The following CCNT2 variants were observed in gnomAD, a reference collection of about 807,000 sequenced individuals.
CCNT2 encodes cyclin-T2.
Under a neutral mutation model 70.0 loss-of-function variants are expected in CCNT2, and 18 were observed. The observed-to-expected ratio is 0.26, with a 90% CI of 0.18 to 0.38. The LOEUF (loss-of-function observed/expected upper bound fraction) is 0.38, where lower values mean the gene tolerates loss of function less well. Among genes scored for constraint, CCNT2 ranks in the 10% least tolerant of loss-of-function variants. The pLI is 1.00. For missense variants in CCNT2, 734 were observed against 890.2 expected, an observed-to-expected ratio of 0.82 and a Z score of 2.23; for synonymous variants, 334 against 313.3, an observed-to-expected ratio of 1.07 and a Z score of -0.70.
At chr2:134,946,682 CTTT>C (rs35187705) in intron 6 of CCNT2, among the ~76,000 whole-genome samples, 6 of 139,984 alleles carry the variant, frequency 4.3e-5, no homozygotes, top group Admixed American at 7.1e-5. Context: ...ACAATTTTTC[CTTT>C]TTTTTTTTTT....
rs1164092609 is a variant in CCNT2 at position 134,947,843 on chromosome 2, A to G, written c.647A>G (p.Asp216Gly). 6.4e-7 allele frequency: 1 copy of G among 1,556,604 alleles called. No homozygotes were observed. The highest frequency in any genetic ancestry group is 1.3e-5 in the African/African-American group (1 of 74,448). Reference protein sequence around the residue: ...WSNWEIPVSTDGKHWWEYVDP... With the variant: ...WSNWEIPVSTGGKHWWEYVDP... ...AATTGGGAGATCCCTGTATCAACTGATGGAAAGCATTGGTGGGAATATGTG... is the reference window on the plus strand; with the variant it reads ...AATTGGGAGATCCCTGTATCAACTGGTGGAAAGCATTGGTGGGAATATGTG... The change falls in exon 7 of 9, where the codon GAT becomes GGT. Residue 216 changes from aspartate to glycine, a missense_variant. Physicochemically the swap from Asp to Gly is moderately conservative, Grantham distance 94. Transcript: ENST00000264157.
At position 134,924,486 on chromosome 2, in the gene CCNT2, G is replaced by C. The variant is rs75030638; in HGVS notation, c.240+4595G>C. Among the ~76,000 whole-genome samples the C allele has an allele frequency of 0.019, 2,941 of 152,232 alleles. 221 individuals carry two copies. The East Asian group carries it at 0.29, about 15-fold the overall frequency. On this transcript the variant is annotated intron_variant, in intron 2 of 8. Transcript: ENST00000264157. Reference sequence around the variant, plus strand: ...TTTTTTGAGATAGGAGTCTGGTCTTGTCGCCCAGGCTGGAGTGCAGTGGTG... The same window carrying C: ...TTTTTTGAGATAGGAGTCTGGTCTTCTCGCCCAGGCTGGAGTGCAGTGGTG...
intron 4 of CCNT2, among the ~76,000 whole-genome samples, 159 bp from the exon 5 acceptor site, chr2:134,942,453 T>C (rs1238943252): frequency 6.6e-6 from 1 of 152,194 alleles, no homozygotes; most frequent in Non-Finnish European, 1.5e-5. Flanking sequence ...TTTGAAAAAT[T>C]ATATCTTGTC....
rs567016411 is a variant in CCNT2 at position 134,920,871 on chromosome 2, A to G, written c.240+980A>G. 3.9e-5 allele frequency among the ~76,000 whole-genome samples: 6 copies of G among 152,350 alleles called. No homozygotes were observed. The East Asian group carries it at 9.6e-4, about 24-fold the overall frequency. ...TTTTTGAAATGGAAGGAAAGGCTTC[A>G]TGGTTTAGATTGAGTCCTACCTTAA... On this transcript the variant is annotated intron_variant, in intron 2 of 8. Coordinates refer to ENST00000264157, the MANE Select transcript of CCNT2 (RefSeq NM_058241.3).
intron 2 of CCNT2, among the ~76,000 whole-genome samples, chr2:134,921,636 G>A (rs796329324): frequency 7.9e-5 from 12 of 152,286 alleles, no homozygotes; most frequent in African/African-American, 2.6e-4. Flanking sequence ...TTACAGGCAC[G>A]AACCACCGTG....
chr2:134,954,122 A>G lies in CCNT2; in HGVS notation c.1667A>G (p.His556Arg), dbSNP rs765223005. The G allele has an allele frequency of 4.3e-6, 7 of 1,614,204 alleles. No individual in the cohort carries two copies. The highest frequency in any genetic ancestry group is 5.9e-6 in the Non-Finnish European group (7 of 1,180,036). ...TCAAGCCCACATATTAGCAGAGACC[A>G]TAAGGAGAAGCACAAGGAGCATCCT... ...KHSSPHISRDHKEKHKEHPSS... is the reference protein window; with the variant it reads ...KHSSPHISRDRKEKHKEHPSS... The change falls in exon 9 of 9, where the codon CAT (histidine) becomes CGT (arginine). Residue 556 changes from histidine (H) to arginine (R), a missense_variant. By Grantham distance (29) the His-to-Arg change is conservative (BLOSUM62 0). Transcript: ENST00000264157.
intron 5 of CCNT2, chr2:134,943,122 T>A: frequency 4.1e-6 from 4 of 984,078 alleles, no homozygotes; most frequent in Non-Finnish European, 4.8e-6. Context: ...AAAAGATTTG[T>A]CAGTACGGTG....
intron 5 of CCNT2, chr2:134,944,920 C>T (rs773301084): frequency 3.9e-5 from 38 of 984,904 alleles, no homozygotes; most frequent in African/African-American, 1.7e-4. Context: ...TATTTTTATT[C>T]GGAGGGGGAG....
chr2:134,952,735 C>T, intron 8 of CCNT2, 24 bp downstream of exon 8: 2 of 1,545,876 alleles, frequency 1.3e-6, no homozygotes, highest in Non-Finnish European at 1.8e-6. Context: ...CAGGGTTTAA[C>T]AGAATTTCAG....
intron 5 of CCNT2, chr2:134,944,930 G>A: frequency 1.0e-6 from 1 of 985,168 alleles, no homozygotes; most frequent in Non-Finnish European, 1.2e-6. Context: ...CGGAGGGGGA[G>A]GGGAAAATAA....
At chr2:134,931,991 AT>A (rs2105036682) in intron 2 of CCNT2, among the ~76,000 whole-genome samples, 1 of 150,684 alleles carries the variant, frequency 6.6e-6, no homozygotes, top group South Asian at 2.1e-4. Context: ...GGTTTTTTTC[AT>A]TTTTTCTTTT....
intron 5 of CCNT2, chr2:134,943,716 A>G (rs1681739503): frequency 2.2e-5 from 22 of 985,172 alleles, no homozygotes; most frequent in Non-Finnish European, 2.5e-5. Flanking sequence ...TTTTTTACAC[A>G]GTTGCATGTT....
In CCNT2 at chr2:134,955,816, A is replaced by T. The variant is rs1320311838; in HGVS notation, c.*1168A>T. Reference sequence around the variant, plus strand: ...ATTCTTTTATATTCTAACAATAAATAAAAAAGAAAAGATTACTGACTGTGC... The same window carrying T: ...ATTCTTTTATATTCTAACAATAAATTAAAAAGAAAAGATTACTGACTGTGC... On this transcript the variant is annotated 3_prime_UTR_variant, in exon 9 of 9. Transcript: ENST00000264157. The T allele has an allele frequency of 1.0e-5, 1 of 97,658 alleles. No homozygotes were observed. The highest frequency in any genetic ancestry group is 2.4e-5 in the Non-Finnish European group (1 of 41,346). The allele number at this position is 97,658 out of a possible 1,614,324, so 6.0% of individuals were successfully genotyped here. A position where few individuals can be genotyped will look rare whatever the true frequency, so the allele number is the denominator to read the frequency against.
At chr2:134,952,893 T>C in intron 8 of CCNT2, 182 bp downstream of exon 8, 1 of 515,052 alleles carries the variant, frequency 1.9e-6, no homozygotes, top group Non-Finnish European at 3.4e-6. Context: ...TAAAGTACAT[T>C]ATACTTTTAA....
rs34020191 is a variant in CCNT2 at position 134,935,807 on chromosome 2, TA to T, written c.241-1022del. On this transcript the variant is annotated intron_variant, in intron 2 of 8. Transcript: ENST00000264157. Reference sequence around the variant, plus strand: ...GTCCCAAGGACCTAATTTACTAAGCTAAAAAAAAAAAATTGCTAATTTATGG... The same window carrying T: ...GTCCCAAGGACCTAATTTACTAAGCTAAAAAAAAAAATTGCTAATTTATGG... Among the ~76,000 whole-genome samples the T allele has an allele frequency of 8.5e-3, 1,244 of 146,070 alleles. 10 individuals are homozygous for T. The highest frequency in any genetic ancestry group is 0.024 in the African/African-American group (977 of 40,282).
Position 134,947,819 on chromosome 2 carries a change from A to T in CCNT2, c.623A>T (p.Asn208Ile), listed in dbSNP as rs750299081. The T allele has an allele frequency of 1.3e-6, 2 of 1,563,410 alleles. No individual in the cohort carries two copies. Among genetic ancestry groups the T allele is most frequent in the African/African-American group, 1.3e-5 (1 of 74,566 alleles). ...VCIHLACKWS[N>I]WEIPVSTDGK... ...ATTCATTTGGCTTGCAAATGGTCCA[A>T]TTGGGAGATCCCTGTATCAACTGAT... Residue 208 changes from asparagine (N) to isoleucine (I), a missense_variant, in exon 7 of 9, where the codon AAT becomes ATT. Physicochemically the swap from Asn to Ile is moderately radical, Grantham distance 149 (BLOSUM62 -3). Transcript: ENST00000264157.
intron 3 of CCNT2, 107 bp from the exon 4 acceptor site, chr2:134,938,895 T>C: frequency 1.5e-6 from 1 of 663,634 alleles, no homozygotes; most frequent in Non-Finnish European, 2.6e-6. Context: ...TTCAAACTAC[T>C]GTGGTTCTTT....
intron 7 of CCNT2, among the ~76,000 whole-genome samples, chr2:134,952,358 A>AT (rs781776032): frequency 9.2e-5 from 13 of 141,326 alleles, no homozygotes; most frequent in African/African-American, 1.6e-4. Context: ...CCTAATGAAG[A>AT]TTTTTTTTTT....
chr2:134,922,027 T>A (rs1489868644), intron 2 of CCNT2, among the ~76,000 whole-genome samples: 1 of 152,226 alleles, frequency 6.6e-6, no homozygotes, highest in Non-Finnish European at 1.5e-5. Flanking sequence ...TGCACTTGCA[T>A]CAATTGCACC....
Sources: allele counts gnomAD v4.1 joint callset (sites outside exome capture counted in the v4.1 genomes callset), GRCh38; gene constraint gnomAD v4.1.1; transcripts MANE v1.5; gene names NCBI Gene and HGNC (gene_info 2026-07-23, HGNC 2026-07-21).